Variants in MYLK3 observed in about 807,000 individuals in gnomAD.
MYLK3 encodes MLC kinase.
In MYLK3, 55 loss-of-function variants were observed where a neutral mutation model predicts 76.3. The observed-to-expected ratio is 0.72, with a 90% CI of 0.58 to 0.90. MYLK3 has a LOEUF of 0.90. Ranked by LOEUF, MYLK3 falls within the 40% of genes least tolerant of loss-of-function variation. The pLI, the probability that MYLK3 is intolerant of heterozygous loss-of-function variation, is 0.00. For synonymous variants in MYLK3, 416 were observed against 425.4 expected (o/e 0.98, Z 0.27); for missense variants, 973 against 1,053.6 (o/e 0.92, Z 1.06).
chr16:46,755,968 C>T (rs1381203369), intron 1 of MYLK3, among the ~76,000 whole-genome samples: 4 of 128,216 alleles, frequency 3.1e-5, no homozygotes, highest in African/African-American at 5.9e-5. Context: ...AGTGCAGTGG[C>T]GCGATCTTGG....
At chr16:46,712,920 A>G (rs1484718940) in intron 9 of MYLK3, 144 bp from the exon 10 acceptor site, 2 of 722,714 alleles carry the variant, frequency 2.8e-6, no homozygotes, top group African/African-American at 3.7e-5. Context: ...ACACCTGTGA[A>G]TTACTGGGGA....
Position 46,708,932 on chromosome 16 carries a change from C to T in MYLK3, c.2400+607G>A, listed in dbSNP as rs79780018. Among the ~76,000 whole-genome samples the T allele has an allele frequency of 3.9e-5, 6 of 152,220 alleles. No homozygotes were observed. The East Asian group carries it at 5.8e-4, about 15-fold the overall frequency. On this transcript the variant is annotated intron_variant, in intron 12 of 12. Transcript: ENST00000394809. ...CTAAGCAGTTAGTTCAGGAGCTTCA[C>T]GATGATTGCCACTGAGAACATATGC...
chr16:46,726,669 A>AAGTGAG, intron 8 of MYLK3: 1 of 61,974 alleles, frequency 1.6e-5, no homozygotes, highest in Non-Finnish European at 3.2e-5. Context: ...AAGAAAAAGA[A>AAGTGAG]AGAAAGAGAA....
chr16:46,754,690 T>G (rs891740996), intron 1 of MYLK3, among the ~76,000 whole-genome samples: 2 of 152,174 alleles, frequency 1.3e-5, no homozygotes, highest in Non-Finnish European at 2.9e-5. Flanking sequence ...GTTTCAGGTA[T>G]TTCTGAAAAT....
intron 9 of MYLK3, among the ~76,000 whole-genome samples, chr16:46,714,234 T>C (rs1164842108): frequency 6.6e-6 from 1 of 152,196 alleles, no homozygotes; most frequent in African/African-American, 2.4e-5. Flanking sequence ...CTCCTCCCAA[T>C]AGCCCTATGA....
chr16:46,705,071 C>T lies in MYLK3; in HGVS notation c.*2633G>A, dbSNP rs1482347602. The T allele has an allele frequency of 1.3e-5, 2 of 152,172 alleles. No individual in the cohort carries two copies. Among genetic ancestry groups the T allele is most frequent in the Admixed American group, 6.5e-5 (1 of 15,270 alleles). The allele number at this position is 152,172 out of a possible 1,614,324, so 9.4% of individuals were successfully genotyped here. A position where few individuals can be genotyped will look rare whatever the true frequency, so the allele number is the denominator to read the frequency against. Reference sequence around the variant, plus strand: ...TAGTTCCCAACAAGGGTTAGCCTTCCAGAGGAAACTTAACAACTTGAGAAC... The same window carrying T: ...TAGTTCCCAACAAGGGTTAGCCTTCTAGAGGAAACTTAACAACTTGAGAAC... On this transcript the variant is annotated 3_prime_UTR_variant, in exon 13 of 13. Coordinates refer to ENST00000394809, the MANE Select transcript of MYLK3 (RefSeq NM_182493.3).
At chr16:46,727,131 A>C in intron 8 of MYLK3, 105 bp downstream of exon 8, 6 of 1,304,968 alleles carry the variant, frequency 4.6e-6, no homozygotes, top group Non-Finnish European at 6.3e-6. Context: ...ACAGAGAGCC[A>C]GGAATGGAAG....
intron 3 of MYLK3, among the ~76,000 whole-genome samples, chr16:46,735,870 A>C (rs1035860663): frequency 1.3e-5 from 2 of 152,168 alleles, no homozygotes; most frequent in Non-Finnish European, 2.9e-5. Flanking sequence ...CCCTAAAGGC[A>C]CTTACAAGCA....
At chr16:46,754,996 A>G (rs1967179162) in intron 1 of MYLK3, among the ~76,000 whole-genome samples, 1 of 151,506 alleles carries the variant, frequency 6.6e-6, no homozygotes, top group Admixed American at 6.6e-5. Context: ...TCCTGGACTC[A>G]AGCAGTCTTC....
intron 1 of MYLK3, among the ~76,000 whole-genome samples, chr16:46,741,895 C>G (rs943509393): frequency 2.0e-5 from 3 of 152,018 alleles, no homozygotes; most frequent in African/African-American, 4.8e-5. Context: ...CTCAGCCTCA[C>G]GAGTAGCTGG....
At chr16:46,709,354 T>G (rs936490556) in intron 12 of MYLK3, among the ~76,000 whole-genome samples, 185 bp downstream of exon 12, 4 of 151,210 alleles carry the variant, frequency 2.6e-5, no homozygotes, top group Admixed American at 6.6e-5. Flanking sequence ...CCCAGGAATT[T>G]AAGGTTACAG....
intron 10 of MYLK3, among the ~76,000 whole-genome samples, chr16:46,711,216 C>T (rs185438359): frequency 1.8e-4 from 28 of 152,274 alleles, no homozygotes; most frequent in Middle Eastern, 3.4e-3. Flanking sequence ...ATTAGGTTCC[C>T]GCCTGAGGGA....
chr16:46,709,995 C>G (rs1966666876), intron 11 of MYLK3, among the ~76,000 whole-genome samples: 1 of 152,172 alleles, frequency 6.6e-6, no homozygotes, highest in Admixed American at 6.5e-5. Context: ...CTTAAAGAAG[C>G]AAAAGAACAG....
intron 9 of MYLK3, among the ~76,000 whole-genome samples, chr16:46,714,415 C>T (rs935632491): frequency 2.0e-5 from 3 of 152,178 alleles, no homozygotes; most frequent in Admixed American, 6.5e-5. Flanking sequence ...AAAGACTCAG[C>T]GCCAACACAG....
chr16:46,702,635 A>C lies in MYLK3; in HGVS notation c.*5069T>G, dbSNP rs1966586061. On this transcript the variant is annotated 3_prime_UTR_variant, in exon 13 of 13. Coordinates refer to ENST00000394809, the MANE Select transcript of MYLK3 (RefSeq NM_182493.3). ...GAATTTTTAATTATAAATGTAATAC[A>C]TGCGGGCCAGGCGCAGTGGCTCACA... is the stretch of plus-strand genomic sequence containing the variant. 6.6e-6 allele frequency among the ~76,000 whole-genome samples: 1 copy of C among 152,208 alleles called. No homozygotes were observed. The highest frequency in any genetic ancestry group is 6.5e-5 in the Admixed American group (1 of 15,276).
chr16:46,716,204 C>A (rs1434351590), intron 9 of MYLK3, among the ~76,000 whole-genome samples: 1 of 152,126 alleles, frequency 6.6e-6, no homozygotes, highest in Non-Finnish European at 1.5e-5. Context: ...CTGGAACTTG[C>A]CCTCTGCTTC....
chr16:46,748,833 T>G (rs1002473584), upstream of MYLK3, among the ~76,000 whole-genome samples: 1 of 152,212 alleles, frequency 6.6e-6, no homozygotes, highest in Admixed American at 6.5e-5. This position sits in a 1 kb window ranked among gnomAD's most constrained non-coding sequence, Gnocchi z 4.3. Flanking sequence ...GTGTTTAGAC[T>G]GTCTGTGGGG....
intron 9 of MYLK3, among the ~76,000 whole-genome samples, chr16:46,720,778 G>A (rs894419962): frequency 6.6e-6 from 1 of 152,146 alleles, no homozygotes; most frequent in Admixed American, 6.5e-5. Flanking sequence ...ACATAGCCCA[G>A]CACCTCCTGG....
At chr16:46,724,189 G>A (rs1455152361) in intron 8 of MYLK3, among the ~76,000 whole-genome samples, 1 of 152,068 alleles carries the variant, frequency 6.6e-6, no homozygotes, top group Non-Finnish European at 1.5e-5. Flanking sequence ...TTTGTTATAT[G>A]TTGTAGATAC....
Sources: gnomAD v4.1 joint callset for allele counts (sites outside exome capture counted in the v4.1 genomes callset) on GRCh38, gnomAD v4.1.1 for gene constraint, Gnocchi (gnomAD v3.1) non-coding constraint, MANE v1.5 for transcripts, NCBI Gene and HGNC (gene_info 2026-07-23, HGNC 2026-07-21) for gene names.